SPAG9: variants seen among roughly 807,000 people sequenced by gnomAD.
SPAG9 encodes C-Jun-amino-terminal kinase-interacting protein 4.
A neutral mutation model predicts 166.5 loss-of-function variants in SPAG9; 35 were observed. That is an observed-to-expected ratio of 0.21 (90% CI 0.16 to 0.28). SPAG9 has a LOEUF of 0.28. Ranked by LOEUF, SPAG9 falls within the 10% of genes least tolerant of loss-of-function variation. The probability of loss-of-function intolerance (pLI) is 1.00; values close to 1 mark genes in which losing one functional copy is unlikely to be tolerated. For synonymous variants in SPAG9, 534 were observed against 565.5 expected (o/e 0.94, Z 0.79); for missense variants, 1,235 against 1,603.3 (o/e 0.77, Z 3.92).
rs59832869 is a variant in SPAG9 at position 51,067,708 on chromosome 17, TA to T, written c.425-11227del. Among the ~76,000 whole-genome samples, 316 of 124,682 alleles carry T rather than the reference TA, an allele frequency of 2.5e-3. 1 individual carries two copies. The highest frequency in any genetic ancestry group is 2.7e-3 in the Non-Finnish European group (158 of 57,718). The allele number at this position is 124,682 out of a possible 152,430, so 81.8% of individuals were successfully genotyped here. On this transcript the variant is annotated intron_variant, in intron 2 of 29. Coordinates refer to ENST00000262013, the MANE Select transcript of SPAG9 (RefSeq NM_001130528.3). ...TTAAAATTGCTAATTTTCTGGGGAGTAAAAAAAAAAAGGCAAATCATGTTAT... is the reference window on the plus strand; with the variant it reads ...TTAAAATTGCTAATTTTCTGGGGAGTAAAAAAAAAAGGCAAATCATGTTAT...
intron 2 of SPAG9, among the ~76,000 whole-genome samples, chr17:51,068,539 A>T (rs1393890547): frequency 6.6e-6 from 1 of 152,154 alleles, no homozygotes; most frequent in Non-Finnish European, 1.5e-5. Flanking sequence ...GTCTCTACGT[A>T]GGGACAGTCC....
intron 3 of SPAG9, among the ~76,000 whole-genome samples, chr17:51,053,471 G>A (rs1234634754): frequency 6.6e-6 from 1 of 152,108 alleles, no homozygotes; most frequent in Non-Finnish European, 1.5e-5. Context: ...TGGATCACGA[G>A]GTCAGAAGTT....
Position 51,021,346 on chromosome 17 carries a change from C to T in SPAG9, c.803G>A (p.Ser268Asn), listed in dbSNP as rs1261157623. 1.9e-6 allele frequency: 3 copies of T among 1,612,162 alleles called. No individual in the cohort carries two copies. Among genetic ancestry groups the T allele is most frequent in the East Asian group, 2.2e-5 (1 of 44,814 alleles). The change falls in exon 7 of 30, where the codon AGC (serine) becomes AAC (asparagine). Residue 268 changes from serine to asparagine, a missense_variant. Coordinates refer to ENST00000262013, the MANE Select transcript of SPAG9 (RefSeq NM_001130528.3). ...AGTGGTAGCTTTAGATCCGCCTTGG[C>T]TAACATCAGAAAGCTCATCCTACAA... is the stretch of plus-strand genomic sequence containing the variant. Reference protein sequence around the residue: ...VEQEDELSDVSQGGSKATTPA... With the variant: ...VEQEDELSDVNQGGSKATTPA...
intron 18 of SPAG9, 98 bp from the exon 19 acceptor site, chr17:50,994,033 T>G (rs1409885121): frequency 1.5e-5 from 17 of 1,126,292 alleles, no homozygotes; most frequent in Non-Finnish European, 2.1e-5. Context: ...TATTTCAAAT[T>G]TATTTCCAGA....
intron 6 of SPAG9, among the ~76,000 whole-genome samples, chr17:51,029,552 A>G (rs2046312569): frequency 6.6e-6 from 1 of 152,234 alleles, no homozygotes; most frequent in Admixed American, 6.5e-5. Context: ...TATGGTGTAC[A>G]CATACAATCA....
rs754044161 is a variant in SPAG9 at position 51,031,912 on chromosome 17, TATC to T, written c.742-193_742-191del. On this transcript the variant is annotated intron_variant, in intron 5 of 29. Transcript: ENST00000262013. ...GACCTTAACACTCTAGTTTAAGTAA[TATC>T]ATGGTTCAGAAGCCACCACTTGGAT... 6 of 679,408 alleles carry T rather than the reference TATC, an allele frequency of 8.8e-6. No individual in the cohort carries two copies. The South Asian group carries it at 9.0e-5, about 10-fold the overall frequency. 42.1% of individuals were successfully genotyped at this position (679,408 alleles called of 1,614,324 possible). A position where few individuals can be genotyped will look rare whatever the true frequency, so the allele number is the denominator to read the frequency against.
Position 50,985,376 on chromosome 17 carries a change from A to C in SPAG9, c.3020+322T>G, listed in dbSNP as rs1974966332. ...AACACATAGAAAAGAACTAGTAATC[A>C]ATGCCCCAATCAACATATTTACAAG... is the stretch of plus-strand genomic sequence containing the variant. On this transcript the variant is annotated intron_variant, in intron 23 of 29. Coordinates refer to ENST00000262013, the MANE Select transcript of SPAG9 (RefSeq NM_001130528.3). 3.3e-5 allele frequency among the ~76,000 whole-genome samples: 5 copies of C among 152,356 alleles called. No homozygotes were observed. The South Asian group carries it at 1.0e-3, about 32-fold the overall frequency.
At chr17:51,066,100 C>A (rs1203932000) in intron 2 of SPAG9, among the ~76,000 whole-genome samples, 1 of 150,768 alleles carries the variant, frequency 6.6e-6, no homozygotes, top group Non-Finnish European at 1.5e-5. Context: ...GGTATGTTAC[C>A]CCATTACGCT....
chr17:51,115,167 C>T (rs946605446), intron 1 of SPAG9, among the ~76,000 whole-genome samples: 2 of 152,116 alleles, frequency 1.3e-5, no homozygotes, highest in East Asian at 1.9e-4. Context: ...TAGTGTCTCT[C>T]ACCTCTGCAT....
chr17:51,052,053 T>A (rs1313063594), intron 3 of SPAG9, among the ~76,000 whole-genome samples: 2 of 152,196 alleles, frequency 1.3e-5, no homozygotes, highest in Non-Finnish European at 2.9e-5. Flanking sequence ...AAATTTGATT[T>A]AAGAATAGTT....
chr17:51,065,709 C>A (rs1351538421), intron 2 of SPAG9, among the ~76,000 whole-genome samples: 2 of 152,160 alleles, frequency 1.3e-5, no homozygotes, highest in African/African-American at 4.8e-5. Flanking sequence ...CTAGGCTATC[C>A]ACCCCAGCCC....
In SPAG9 at chr17:50,995,408, T is replaced by G. The variant is rs780880085; in HGVS notation, c.2058+36A>C. The G allele has an allele frequency of 3.3e-6, 5 of 1,529,108 alleles. No homozygotes were observed. The Admixed American group carries it at 5.4e-5, about 16-fold the overall frequency. 94.7% of individuals were successfully genotyped at this position (1,529,108 alleles called of 1,614,324 possible). A position where few individuals can be genotyped will look rare whatever the true frequency, so the allele number is the denominator to read the frequency against. On this transcript the variant is annotated intron_variant, in intron 17 of 29. Transcript: ENST00000262013. ...TTTAGAAAAAAAACTACCCAGAGTT[T>G]AGAAAACATCTCCTTTTAATTCACA...
chr17:51,078,359 G>A (rs373132068), intron 2 of SPAG9, among the ~76,000 whole-genome samples: 37 of 152,190 alleles, frequency 2.4e-4, no homozygotes, highest in Middle Eastern at 3.4e-3. Flanking sequence ...GCTCTATTCC[G>A]TCTTTCCAGA....
chr17:51,038,359 C>A (rs1667083804), intron 5 of SPAG9, among the ~76,000 whole-genome samples: 1 of 152,058 alleles, frequency 6.6e-6, no homozygotes, highest in Non-Finnish European at 1.5e-5. Flanking sequence ...GAGAAACCAG[C>A]AATGGAGAAG....
chr17:51,019,277 G>T (rs1420818308), intron 8 of SPAG9, among the ~76,000 whole-genome samples: 9 of 152,182 alleles, frequency 5.9e-5, no homozygotes, highest in Admixed American at 4.6e-4. Flanking sequence ...TTATAAATTG[G>T]CCAGGTGCAG....
intron 28 of SPAG9, among the ~76,000 whole-genome samples, chr17:50,972,567 A>T (rs1973905542): frequency 6.6e-6 from 1 of 152,258 alleles, no homozygotes; most frequent in Non-Finnish European, 1.5e-5. Context: ...CAACCCTCTT[A>T]GCAAGATTTA....
Position 50,981,733 on chromosome 17 carries a change from C to T in SPAG9, c.3237+791G>A, listed in dbSNP as rs533218429. On this transcript the variant is annotated intron_variant, in intron 25 of 29. Transcript: ENST00000262013. The stretch of plus-strand genomic sequence containing the variant: ...TATTGTGACAAAAAAAAAAAAAAAC[C>T]GTAAGAAAACAATGCTAGGCCGGAC... 3.0e-3 allele frequency among the ~76,000 whole-genome samples: 445 copies of T among 148,788 alleles called. 1 individual carries two copies. The highest frequency in any genetic ancestry group is 0.011 in the African/African-American group (427 of 40,666).
intron 1 of SPAG9, among the ~76,000 whole-genome samples, chr17:51,098,363 A>G (rs964213333): frequency 1.3e-5 from 2 of 151,908 alleles, no homozygotes; most frequent in African/African-American, 4.8e-5. Context: ...TTTCTGAATT[A>G]GAGGGAAGGG....
At chr17:51,031,813 G>C in intron 5 of SPAG9, 91 bp from the exon 6 acceptor site, 1 of 894,526 alleles carries the variant, frequency 1.1e-6, no homozygotes, top group Non-Finnish European at 1.8e-6. Flanking sequence ...TATCTCCCAA[G>C]ATACAAGATT....
Sources: allele counts gnomAD v4.1 joint callset (sites outside exome capture counted in the v4.1 genomes callset), GRCh38; gene constraint gnomAD v4.1.1; transcripts MANE v1.5; gene names NCBI Gene and HGNC (gene_info 2026-07-23, HGNC 2026-07-21).